The following LAMB1 variants were observed in gnomAD, a reference collection of about 807,000 sequenced individuals.
The protein encoded by LAMB1 is laminin subunit beta-1.
LAMB1 carries 121 observed loss-of-function variants against 222.3 expected under a neutral mutation model. That is an observed-to-expected ratio of 0.54 (90% CI 0.47 to 0.63). The LOEUF is 0.63. Ranked by LOEUF, LAMB1 falls within the 30% of genes least tolerant of loss-of-function variation. LAMB1 has a pLI of 0.00. For synonymous variants in LAMB1, 794 were observed against 807.2 expected (o/e 0.98, Z 0.28); for missense variants, 2,172 against 2,240.8 (o/e 0.97, Z 0.62).
intron 26 of LAMB1, 52 bp downstream of exon 26, chr7:107,937,041 G>T: frequency 6.9e-7 from 1 of 1,449,882 alleles, no homozygotes; most frequent in Non-Finnish European, 9.6e-7. Flanking sequence ...TAAAACGTTA[G>T]ACATATCGTT....
At chr7:107,952,262 C>G (rs1562985824) in intron 22 of LAMB1, 39 bp from the exon 23 acceptor site, 1 of 1,473,402 alleles carries the variant, frequency 6.8e-7, no homozygotes, top group Non-Finnish European at 9.3e-7. Flanking sequence ...GTCACACTCC[C>G]AAATACACAG....
chr7:107,940,457 G>T, intron 24 of LAMB1, 99 bp from the exon 25 acceptor site: 1 of 1,311,260 alleles, frequency 7.6e-7, no homozygotes, highest in Non-Finnish European at 1.0e-6. Flanking sequence ...AAAATGGGAA[G>T]GTGTCAACCA....
At chr7:107,977,977 A>T in intron 9 of LAMB1, 70 bp downstream of exon 9, 1 of 1,564,218 alleles carries the variant, frequency 6.4e-7, no homozygotes, top group Admixed American at 1.7e-5. Flanking sequence ...ACACTGTTAC[A>T]GTACCTCTAA....
At chr7:107,990,237 C>T (rs187677755) in intron 5 of LAMB1, among the ~76,000 whole-genome samples, 1 of 152,186 alleles carries the variant, frequency 6.6e-6, no homozygotes, top group Non-Finnish European at 1.5e-5. Context: ...CAGGGTCTTG[C>T]TATGCTGTCC....
intron 32 of LAMB1, among the ~76,000 whole-genome samples, chr7:107,924,986 G>A (rs985301252): frequency 6.6e-6 from 1 of 152,150 alleles, no homozygotes. Context: ...TTTCTCTTGT[G>A]ATAAAATGTC....
intron 4 of LAMB1, among the ~76,000 whole-genome samples, chr7:107,997,886 T>C (rs949420927): frequency 6.6e-6 from 1 of 152,090 alleles, no homozygotes; most frequent in East Asian, 1.9e-4. Context: ...TTGAAAAAAT[T>C]ACATCTTGCT....
At chr7:107,993,779 G>C (rs1187476417) in intron 5 of LAMB1, among the ~76,000 whole-genome samples, 1 of 152,230 alleles carries the variant, frequency 6.6e-6, no homozygotes, top group Non-Finnish European at 1.5e-5. Flanking sequence ...TTGGTGACAA[G>C]GAGTAGTTGA....
In LAMB1 at chr7:108,001,540, C is replaced by A. The variant is rs1292079540; in HGVS notation, c.213+18G>T. The stretch of plus-strand genomic sequence containing the variant: ...AGGAGGCGCTAGCAGAGCCTCGAAC[C>A]CCGCTCTCAGCCCTCACCTGCAAGT... On this transcript the variant is annotated intron_variant, in intron 3 of 33. Coordinates refer to ENST00000222399, the MANE Select transcript of LAMB1 (RefSeq NM_002291.3). The A allele has an allele frequency of 1.3e-6, 2 of 1,576,654 alleles. No homozygotes were observed. The highest frequency in any genetic ancestry group is 1.1e-5 in the South Asian group (1 of 86,974).
intron 20 of LAMB1, among the ~76,000 whole-genome samples, chr7:107,958,348 A>G (rs567582605): frequency 6.6e-6 from 1 of 152,288 alleles, no homozygotes; most frequent in African/African-American, 2.4e-5. Context: ...TCTAGCATTG[A>G]GCCGAGAGCC....
intron 5 of LAMB1, among the ~76,000 whole-genome samples, chr7:107,993,650 CATT>C (rs1305369386): frequency 6.6e-6 from 1 of 152,142 alleles, no homozygotes; most frequent in Non-Finnish European, 1.5e-5. Context: ...GGATCATAAA[CATT>C]AATAAAGATG....
chr7:107,986,422 T>G (rs1040923696), intron 5 of LAMB1, 59 bp from the exon 6 acceptor site: 8 of 1,433,926 alleles, frequency 5.6e-6, no homozygotes, highest in African/African-American at 1.4e-5. Context: ...CTACTTTTTT[T>G]AATCTCAGGT....
Position 107,975,518 on chromosome 7 carries a change from C to T in LAMB1, c.1190-105G>A, listed in dbSNP as rs1326240122. 4 of 1,291,976 alleles carry T rather than the reference C, an allele frequency of 3.1e-6. No homozygotes were observed. In the African/African-American group the frequency reaches 6.0e-5, roughly 19 times the overall value. 80.0% of individuals were successfully genotyped at this position (1,291,976 alleles called of 1,614,324 possible). A position where few individuals can be genotyped will look rare whatever the true frequency, so the allele number is the denominator to read the frequency against. ...TCCCTCTAAATCTCACAAAAGTCGA[C>T]TAAAAGCAGCACAACTACCAAGTAA... On this transcript the variant is annotated intron_variant, in intron 10 of 33. Coordinates refer to ENST00000222399, the MANE Select transcript of LAMB1 (RefSeq NM_002291.3).
In LAMB1 at chr7:107,962,949, G is replaced by GT. The variant is rs1247411160; in HGVS notation, c.1812dup (p.Pro605ThrfsTer41). 1 of 1,613,866 alleles carries GT rather than the reference G, an allele frequency of 6.2e-7. No homozygotes were observed. Among genetic ancestry groups the GT allele is most frequent in the Non-Finnish European group, 8.5e-7 (1 of 1,179,976 alleles). ...AGGATGTCGTACTCCATGGAATATGGTATGTTGTCAATGAAAAACTCCAAA... is the reference window on the plus strand; with the variant it reads ...AGGATGTCGTACTCCATGGAATATGGTTATGTTGTCAATGAAAAACTCCAAA... On this transcript the variant is annotated frameshift_variant, in exon 15 of 34. Coordinates refer to ENST00000222399, the MANE Select transcript of LAMB1 (RefSeq NM_002291.3). LOFTEE classifies it high-confidence loss of function.
intron 8 of LAMB1, among the ~76,000 whole-genome samples, chr7:107,978,975 C>T (rs552151204): frequency 6.6e-6 from 1 of 152,286 alleles, no homozygotes; most frequent in East Asian, 1.9e-4. Context: ...ACAGACAGGT[C>T]CCTCCTGGAC....
intron 5 of LAMB1, among the ~76,000 whole-genome samples, chr7:107,992,184 G>A (rs772330210): frequency 2.6e-5 from 4 of 152,226 alleles, no homozygotes; most frequent in Non-Finnish European, 5.9e-5. Flanking sequence ...TCCTCCCACT[G>A]ACATCCCTGC....
At chr7:108,002,311 C>T (rs1286200709) in intron 2 of LAMB1, 1 of 1,313,620 alleles carries the variant, frequency 7.6e-7, no homozygotes. Context: ...TAGGGGAGCC[C>T]ATGGACAGTC....
chr7:107,947,928 G>A (rs2033152782), intron 24 of LAMB1, among the ~76,000 whole-genome samples: 1 of 150,394 alleles, frequency 6.6e-6, no homozygotes, highest in Non-Finnish European at 1.5e-5. Flanking sequence ...AGGAGAGACA[G>A]TATCTACTTT....
intron 9 of LAMB1, among the ~76,000 whole-genome samples, chr7:107,976,150 A>C (rs1380049734): frequency 6.6e-6 from 1 of 152,216 alleles, no homozygotes; most frequent in Non-Finnish European, 1.5e-5. Context: ...GAAAACTCTA[A>C]GGGAAAGTCC....
chr7:107,927,028 A>G (rs7785155), intron 31 of LAMB1, among the ~76,000 whole-genome samples: 11,897 of 152,248 alleles, frequency 0.078, 1,526 homozygotes, highest in African/African-American at 0.27. Context: ...TAAGCAGTTG[A>G]GCCCATGACA....
Sources: allele counts gnomAD v4.1 joint callset (sites outside exome capture counted in the v4.1 genomes callset), GRCh38; gene constraint gnomAD v4.1.1; transcripts MANE v1.5; gene names NCBI Gene and HGNC (gene_info 2026-07-23, HGNC 2026-07-21).